The following BICC1 variants were observed in gnomAD, a reference collection of about 807,000 sequenced individuals.
BICC1 encodes the protein protein bicaudal C homolog 1.
In BICC1, 43 loss-of-function variants were observed where a neutral mutation model predicts 111.0. The observed-to-expected ratio is 0.39, with a 90% confidence interval of 0.30 to 0.50. The LOEUF (loss-of-function observed/expected upper bound fraction) is 0.50. Ranked by LOEUF, BICC1 falls within the 20% of genes least tolerant of loss-of-function variation. The pLI, the probability that BICC1 is intolerant of heterozygous loss-of-function variation, is 0.88. For synonymous variants in BICC1, 467 were observed against 434.4 expected, an observed-to-expected ratio of 1.07 and a Z score of -0.93; for missense variants, 1,091 against 1,203.2, an observed-to-expected ratio of 0.91 and a Z score of 1.38.
chr10:58,669,652 A>G (rs555312010), intron 2 of BICC1, among the ~76,000 whole-genome samples: 1 of 152,156 alleles, frequency 6.6e-6, no homozygotes, highest in South Asian at 2.1e-4. Flanking sequence ...GATGCCAGTG[A>G]TAGTTATCTA....
At chr10:58,686,881 A>G (rs1839748015) in intron 2 of BICC1, among the ~76,000 whole-genome samples, 1 of 152,168 alleles carries the variant, frequency 6.6e-6, no homozygotes, top group South Asian at 2.1e-4. Flanking sequence ...CAACTCGTCA[A>G]AGTCATTGTC....
chr10:58,523,698 G>A (rs1229487693), intron 1 of BICC1, among the ~76,000 whole-genome samples: 1 of 152,080 alleles, frequency 6.6e-6, no homozygotes, highest in African/African-American at 2.4e-5. Context: ...TGGAAGTTCT[G>A]GCCAGGGCAA....
intron 17 of BICC1, among the ~76,000 whole-genome samples, chr10:58,811,938 G>A (rs1179180385): frequency 6.6e-6 from 1 of 152,156 alleles, no homozygotes; most frequent in East Asian, 1.9e-4. Context: ...GGGTAGGGTG[G>A]GGGACCATCA....
chr10:58,615,541 G>C (rs1161078069), intron 1 of BICC1, among the ~76,000 whole-genome samples: 1 of 152,190 alleles, frequency 6.6e-6, no homozygotes. Flanking sequence ...CATGCAGCTT[G>C]TGCCCCAGTC....
intron 1 of BICC1, among the ~76,000 whole-genome samples, chr10:58,607,296 A>G (rs1028540420): frequency 6.6e-6 from 1 of 150,840 alleles, no homozygotes; most frequent in Non-Finnish European, 1.5e-5. Context: ...AGCCTGGGCA[A>G]CAAGAGCGAA....
intron 3 of BICC1, among the ~76,000 whole-genome samples, chr10:58,714,871 T>TAA (rs544106801): frequency 7.6e-5 from 9 of 117,674 alleles, no homozygotes; most frequent in African/African-American, 1.2e-4. Context: ...TCTCATTAGC[T>TAA]AAAAAAAAAA....
At chr10:58,738,246 A>G (rs1005454882) in intron 3 of BICC1, among the ~76,000 whole-genome samples, 4 of 152,156 alleles carry the variant, frequency 2.6e-5, no homozygotes, top group African/African-American at 7.2e-5. Flanking sequence ...TCTTTAATCC[A>G]TCTTGAATTG....
intron 14 of BICC1, 81 bp downstream of exon 14, chr10:58,801,127 T>C: frequency 8.1e-7 from 1 of 1,240,902 alleles, no homozygotes; most frequent in African/African-American, 1.6e-5. Context: ...TAGTACTCTT[T>C]GATTCAAGTC....
chr10:58,592,168 GT>G (rs1389156356), intron 1 of BICC1, among the ~76,000 whole-genome samples: 1 of 152,122 alleles, frequency 6.6e-6, no homozygotes, highest in Admixed American at 6.5e-5. Flanking sequence ...TTTGAAGACG[GT>G]TTTTTGTTAT....
At chr10:58,512,488 C>T (rs7074778), upstream of BICC1, among the ~76,000 whole-genome samples, 81,959 of 151,886 alleles carry the variant, frequency 0.54, 23,137 homozygotes, top group African/African-American at 0.71. Context: ...TTGAACTTGG[C>T]GTGTTTGTGT....
intron 3 of BICC1, chr10:58,715,600 T>C: frequency 1.9e-6 from 3 of 1,604,894 alleles, no homozygotes; most frequent in Non-Finnish European, 2.6e-6. Context: ...CCAATAGCAA[T>C]GGCGAGATCA....
intron 2 of BICC1, among the ~76,000 whole-genome samples, chr10:58,655,869 A>G (rs1429078258): frequency 6.6e-6 from 1 of 151,726 alleles, no homozygotes; most frequent in Non-Finnish European, 1.5e-5. Context: ...TCAATGCCTA[A>G]TTTATTGAGA....
At chr10:58,718,808 G>A (rs1250369151) in intron 3 of BICC1, among the ~76,000 whole-genome samples, 1 of 151,668 alleles carries the variant, frequency 6.6e-6, no homozygotes, top group African/African-American at 2.4e-5. Flanking sequence ...GTGCTTATGG[G>A]TATGTGTGTG....
At chr10:58,573,434 GA>G (rs1844019934) in intron 1 of BICC1, among the ~76,000 whole-genome samples, 1 of 152,138 alleles carries the variant, frequency 6.6e-6, no homozygotes, top group African/African-American at 2.4e-5. Context: ...GGATAAGAAG[GA>G]ATAGGTATTT....
At chr10:58,526,791 T>G (rs1359067497) in intron 1 of BICC1, among the ~76,000 whole-genome samples, 1 of 152,212 alleles carries the variant, frequency 6.6e-6, no homozygotes, top group African/African-American at 2.4e-5. Flanking sequence ...TATTCCATGG[T>G]GTATATGTGC....
At chr10:58,796,233 T>C (rs1354984058) in intron 9 of BICC1, 107 bp from the exon 10 acceptor site, 1 of 921,888 alleles carries the variant, frequency 1.1e-6, no homozygotes, top group African/African-American at 1.6e-5. Context: ...ATATGTCCCC[T>C]GAGTGGAATT....
intron 10 of BICC1, among the ~76,000 whole-genome samples, chr10:58,797,139 T>TA (rs1165165963): frequency 4.6e-5 from 7 of 152,220 alleles, no homozygotes; most frequent in Non-Finnish European, 1.0e-4. Flanking sequence ...TGGTGATATT[T>TA]ATGTCCTCAT....
At chr10:58,622,057 C>G (rs569970903) in intron 2 of BICC1, among the ~76,000 whole-genome samples, 1 of 151,836 alleles carries the variant, frequency 6.6e-6, no homozygotes, top group South Asian at 2.1e-4. Flanking sequence ...TGATGTGCAC[C>G]TGTAGTTCCA....
chr10:58,728,784 C>T (rs544137251), intron 3 of BICC1, among the ~76,000 whole-genome samples: 26 of 152,078 alleles, frequency 1.7e-4, no homozygotes, highest in South Asian at 1.5e-3. Flanking sequence ...TGTTAGCAGG[C>T]GTAAAAACAT....
Sources: allele counts gnomAD v4.1 joint callset (sites outside exome capture counted in the v4.1 genomes callset), GRCh38; gene constraint gnomAD v4.1.1; transcripts MANE v1.5; gene names NCBI Gene and HGNC (gene_info 2026-07-23, HGNC 2026-07-21).